ARSL: variants seen among roughly 807,000 people sequenced by gnomAD.
The protein encoded by ARSL is arylsulfatase L, also known as arylsulfatase E (chondrodysplasia punctata 1).
In ARSL, 4 loss-of-function variants were observed where a neutral mutation model predicts 31.1. The observed-to-expected ratio is 0.13, with a 90% CI of 0.06 to 0.29. ARSL has a LOEUF of 0.29. Among genes scored for constraint, ARSL ranks in the 10% least tolerant of loss-of-function variants. The probability of loss-of-function intolerance (pLI) is 1.00; values close to 1 mark genes in which losing one functional copy is unlikely to be tolerated. For missense variants in ARSL, 312 were observed against 497.8 expected (o/e 0.63, Z 3.55); for synonymous variants, 198 against 209.9 (o/e 0.94, Z 0.49).
Position 2,964,217 on chromosome X carries a change from G to A in ARSL, c.-21+7C>T. The A allele has an allele frequency of 2.7e-6, 2 of 754,389 alleles. No homozygotes were observed. The highest frequency in any genetic ancestry group is 4.6e-5 in the African/African-American group (2 of 43,864). 62.2% of individuals were successfully genotyped at this position (754,389 alleles called of 1,213,427 possible). A position where few individuals can be genotyped will look rare whatever the true frequency, so the allele number is the denominator to read the frequency against. On this transcript the variant is annotated splice_region_variant and intron_variant, in intron 1 of 10. Transcript: ENST00000381134. ...ATCCAGCACAAATGAACATTCACAGGACTCACCTCTGCTCCTGGGCTCCTT... is the reference window on the plus strand; with the variant it reads ...ATCCAGCACAAATGAACATTCACAGAACTCACCTCTGCTCCTGGGCTCCTT...
intron 6 of ARSL, among the ~76,000 whole-genome samples, chrX:2,948,928 A>C (rs774658244): frequency 4.6e-5 from 5 of 108,237 alleles, no homozygotes; most frequent in African/African-American, 1.3e-4. Flanking sequence ...AAAGAAAACG[A>C]CTTTTTTTTT....
chrX:2,942,997 G>T, intron 8 of ARSL, 68 bp downstream of exon 8: 4 of 1,164,344 alleles, frequency 3.4e-6, no homozygotes, highest in Non-Finnish European at 4.7e-6. Context: ...GGAATAGATT[G>T]CCCTGCTGGG....
At chrX:2,935,982 T>A (rs1035004599) in intron 10 of ARSL, among the ~76,000 whole-genome samples, 6 of 111,372 alleles carry the variant, frequency 5.4e-5, no homozygotes, top group Non-Finnish European at 9.4e-5. Context: ...GATGGGTGGA[T>A]TGCTTGAGCC....
chrX:2,963,538 T>TC (rs1486694434), intron 1 of ARSL, among the ~76,000 whole-genome samples: 2 of 89,126 alleles, frequency 2.2e-5, no homozygotes, highest in Non-Finnish European at 4.5e-5. Flanking sequence ...TTTTCCTTTT[T>TC]TTTTTTTTTT....
In ARSL at chrX:2,953,201, T is replaced by G; in HGVS notation, c.372A>C (p.Thr124=). ...GTATTTTTGCAAAAGTTGTCTCATT[T>G]GTTGGAAGACCTCCAGATGCTCCGG... is the stretch of plus-strand genomic sequence containing the variant. ...QWTGASGGLP[T]NETTFAKILK... The change falls in exon 5 of 11, where the codon ACA becomes ACC. Residue 124 remains threonine, a synonymous_variant. Coordinates refer to ENST00000381134, the MANE Select transcript of ARSL (RefSeq NM_000047.3). The G allele has an allele frequency of 8.3e-7, 1 of 1,211,077 alleles. No homozygotes were observed. The highest frequency in any genetic ancestry group is 1.1e-6 in the Non-Finnish European group (1 of 894,773).
At chrX:2,959,656 C>A (rs1461427475) in intron 2 of ARSL, 13 of 1,152,290 alleles carry the variant, frequency 1.1e-5, no homozygotes, top group Non-Finnish European at 1.4e-5. Context: ...GGGGCAACAT[C>A]AAATCAAGGG....
chrX:2,964,404 C>A (rs966259281), upstream of ARSL: 6 of 750,516 alleles, frequency 8.0e-6, no homozygotes, highest in Non-Finnish European at 7.8e-6. Flanking sequence ...AGCAGACTCC[C>A]CCCACATCGC....
intron 2 of ARSL, among the ~76,000 whole-genome samples, chrX:2,958,707 T>TGG (rs1229180411): frequency 2.7e-5 from 3 of 111,590 alleles, no homozygotes; most frequent in African/African-American, 9.8e-5. Context: ...AAAGCCTTGG[T>TGG]GGGGTGCAGT....
chrX:2,963,488 G>A (rs1394788054), intron 1 of ARSL, among the ~76,000 whole-genome samples: 2 of 107,838 alleles, frequency 1.9e-5, no homozygotes, highest in Non-Finnish European at 3.8e-5. Flanking sequence ...TCTGGGTGTG[G>A]AGATTTAGGA....
intron 4 of ARSL, among the ~76,000 whole-genome samples, chrX:2,954,169 G>A (rs927519947): frequency 9.0e-6 from 1 of 111,606 alleles, no homozygotes; most frequent in African/African-American, 3.3e-5. Flanking sequence ...GGTCTTGGGT[G>A]GAACTTGGGC....
At chrX:2,961,111 T>C (rs2089626356) in intron 1 of ARSL, among the ~76,000 whole-genome samples, 1 of 110,862 alleles carries the variant, frequency 9.0e-6, no homozygotes, top group Non-Finnish European at 1.9e-5. Flanking sequence ...AGAGACGCAT[T>C]CGCCTTCATT....
intron 1 of ARSL, among the ~76,000 whole-genome samples, chrX:2,963,533 C>CTTTTTTTTTTTT (rs769134287): frequency 1.3e-4 from 8 of 59,803 alleles, no homozygotes; most frequent in African/African-American, 2.3e-4. Flanking sequence ...TTTTCTTTTC[C>CTTTTTTTTTTTT]TTTTTTTTTT....
chrX:2,950,028 C>T (rs2089440822), intron 5 of ARSL, among the ~76,000 whole-genome samples: 1 of 111,648 alleles, frequency 9.0e-6, no homozygotes, highest in African/African-American at 3.3e-5. Flanking sequence ...TCCTAGAGAC[C>T]AGGAGTCTGA....
At chrX:2,966,707 AC>A (rs2089702337), upstream of ARSL, among the ~76,000 whole-genome samples, 1 of 109,286 alleles carries the variant, frequency 9.2e-6, no homozygotes. Flanking sequence ...GCTTTTCTTT[AC>A]AAAAATAATA....
At chrX:2,964,453 A>C (rs927489813), upstream of ARSL, 1 of 749,784 alleles carries the variant, frequency 1.3e-6, no homozygotes, top group African/African-American at 2.3e-5. Context: ...ACGTCTACCA[A>C]ACCAGTGGTC....
chrX:2,946,279 C>A, intron 6 of ARSL, 145 bp from the exon 7 acceptor site: 1 of 486,705 alleles, frequency 2.1e-6, no homozygotes, highest in Non-Finnish European at 3.3e-6. Flanking sequence ...ACACTCAAAA[C>A]TCTTCTTCAA....
At position 2,950,218 on chromosome X, in the gene ARSL, C is replaced by T. The variant is rs374829270; in HGVS notation, c.431-491G>A. Among the ~76,000 whole-genome samples, 91 of 111,612 alleles carry T rather than the reference C, an allele frequency of 8.2e-4. 1 individual carries two copies. Among genetic ancestry groups the T allele is most frequent in the African/African-American group, 2.8e-3 (86 of 30,755 alleles). On this transcript the variant is annotated intron_variant, in intron 5 of 10. Coordinates refer to ENST00000381134, the MANE Select transcript of ARSL (RefSeq NM_000047.3). ...GTGTCTGCGACCTAATCTCTTGTCT[C>T]ATAAGGACAGCAGTCATCGCAGTAG...
chrX:2,961,239 C>T lies in ARSL; in HGVS notation c.-20-819G>A, dbSNP rs749521225. On this transcript the variant is annotated intron_variant, in intron 1 of 10. Transcript: ENST00000381134. ...CAGAGGGGCGGCCCCTCAGTCTCGC[C>T]GAGAAGTGAGGGAGAGCCCAGGGTG... 1.1e-4 allele frequency among the ~76,000 whole-genome samples: 12 copies of T among 110,958 alleles called. No homozygotes were observed. In the East Asian group the frequency reaches 2.3e-3, roughly 21 times the overall value.
At position 2,937,825 on chromosome X, in the gene ARSL, T is replaced by C. The variant is rs149169623; in HGVS notation, c.1289+270A>G. Among the ~76,000 whole-genome samples the C allele has an allele frequency of 0.013, 1,509 of 111,933 alleles. 30 individuals are homozygous for C. Among genetic ancestry groups the C allele is most frequent in the African/African-American group, 0.045 (1,380 of 30,820 alleles). On this transcript the variant is annotated intron_variant, in intron 9 of 10. Transcript: ENST00000381134. Reference sequence around the variant, plus strand: ...ATGTGGACATACAGCTTAGAAGGTATAGAAGCTCTGGAAAACTTTGTAATT... The same window carrying C: ...ATGTGGACATACAGCTTAGAAGGTACAGAAGCTCTGGAAAACTTTGTAATT...
Sources: allele counts gnomAD v4.1 joint callset (sites outside exome capture counted in the v4.1 genomes callset), GRCh38; gene constraint gnomAD v4.1.1; transcripts MANE v1.5; gene names NCBI Gene and HGNC (gene_info 2026-07-23, HGNC 2026-07-21).